The following CNTN6 variants were observed in gnomAD, a reference collection of about 807,000 sequenced individuals.
CNTN6 encodes contactin-6.
CNTN6 carries 137 observed loss-of-function variants against 122.8 expected under a neutral mutation model. The observed-to-expected ratio is 1.12, with a 90% CI of 0.97 to 1.29. The LOEUF (loss-of-function observed/expected upper bound fraction) is 1.29. CNTN6 is among the 50% of genes most tolerant of loss of function. The probability of loss-of-function intolerance (pLI) is 0.00; values close to 1 mark genes in which losing one functional copy is unlikely to be tolerated. For missense variants in CNTN6, 1,634 were observed against 1,223.4 expected, an observed-to-expected ratio of 1.34 and a Z score of -5.01; for synonymous variants, 570 against 426.0, an observed-to-expected ratio of 1.34 and a Z score of -4.16.
chr3:1,349,496 CTT>C (rs1705288313), intron 11 of CNTN6, among the ~76,000 whole-genome samples: 1 of 151,522 alleles, frequency 6.6e-6, no homozygotes, highest in Non-Finnish European at 1.5e-5. Flanking sequence ...GATAAAGTAT[CTT>C]TTTTGCATAT....
rs368626797 is a variant in CNTN6, at chr3:1,326,910, A to G, written c.1084-547A>G. 1.1e-4 allele frequency among the ~76,000 whole-genome samples: 16 copies of G among 151,866 alleles called. No homozygotes were observed. In the East Asian group the frequency reaches 1.2e-3, roughly 11 times the overall value. On this transcript the variant is annotated intron_variant, in intron 9 of 22. Coordinates refer to ENST00000446702, the MANE Select transcript of CNTN6 (RefSeq NM_001289080.2). ...TTAATTATGTCACTATGTGCACTCA[A>G]AATTGTATTTCTATACCCCACATGG...
chr3:1,290,094 CAG>C (rs1695085578), intron 5 of CNTN6, among the ~76,000 whole-genome samples: 1 of 152,190 alleles, frequency 6.6e-6, no homozygotes, highest in African/African-American at 2.4e-5. Flanking sequence ...TACTGAATCA[CAG>C]AGTCTGAGGG....
Position 1,356,295 on chromosome 3 carries a change from C to T in CNTN6, c.1492+3844C>T, listed in dbSNP as rs1373392515. ...GAAGTTTTGGATGTTCAATTATAGG[C>T]CTCATTGCTTCAGTGTTATTTTCAA... On this transcript the variant is annotated intron_variant, in intron 12 of 22. Transcript: ENST00000446702. Among the ~76,000 whole-genome samples the T allele has an allele frequency of 1.3e-5, 2 of 151,748 alleles. 1 individual carries two copies. The highest frequency in any genetic ancestry group is 4.2e-4 in the South Asian group (2 of 4,818).
intron 7 of CNTN6, among the ~76,000 whole-genome samples, chr3:1,317,575 AG>A (rs1700268955): frequency 1.3e-5 from 2 of 151,778 alleles, no homozygotes; most frequent in Admixed American, 1.3e-4. Flanking sequence ...CGGATTTCAG[AG>A]ATGCTTTCTC....
chr3:1,259,749 T>A lies in CNTN6; in HGVS notation c.359-18664T>A, dbSNP rs544978475. ...AAACTAGAAAAACACTAGCTCTATA[T>A]CTACATCAAAATTATTTTGAGAATC... is the stretch of plus-strand genomic sequence containing the variant. On this transcript the variant is annotated intron_variant, in intron 4 of 22. Coordinates refer to ENST00000446702, the MANE Select transcript of CNTN6 (RefSeq NM_001289080.2). 2.6e-5 allele frequency among the ~76,000 whole-genome samples: 4 copies of A among 152,256 alleles called. No homozygotes were observed. In the South Asian group the frequency reaches 8.3e-4, roughly 32 times the overall value.
chr3:1,109,559 C>G (rs1008239086), intron 1 of CNTN6, among the ~76,000 whole-genome samples: 6 of 151,838 alleles, frequency 4.0e-5, no homozygotes, highest in African/African-American at 1.2e-4. Context: ...TTACTTTGGA[C>G]TTTTTAAAAG....
At chr3:1,282,793 C>G (rs970104350) in intron 5 of CNTN6, among the ~76,000 whole-genome samples, 1 of 152,176 alleles carries the variant, frequency 6.6e-6, no homozygotes, top group Non-Finnish European at 1.5e-5. Context: ...CCTCGAGTAT[C>G]TATTATAATT....
At chr3:1,149,925 C>A (rs899378884) in intron 2 of CNTN6, among the ~76,000 whole-genome samples, 1 of 152,130 alleles carries the variant, frequency 6.6e-6, no homozygotes, top group Non-Finnish European at 1.5e-5. Context: ...CTGAGAAATA[C>A]TCCAGCTCTT....
chr3:1,245,262 TATATATATATATACACACAC>T (rs1320079796), intron 4 of CNTN6, among the ~76,000 whole-genome samples: 474 of 5,612 alleles, frequency 0.084, 67 homozygotes, highest in Non-Finnish European at 0.11. Context: ...ATATAACATA[TATATATATATATACACACAC>T]ATATATATAT....
intron 2 of CNTN6, among the ~76,000 whole-genome samples, chr3:1,208,119 G>A (rs1219882178): frequency 6.6e-6 from 1 of 151,876 alleles, no homozygotes; most frequent in African/African-American, 2.4e-5. Flanking sequence ...TCCTTGATCT[G>A]TGGTTTCTCT....
intron 5 of CNTN6, among the ~76,000 whole-genome samples, chr3:1,283,643 A>T (rs1399272038): frequency 6.6e-6 from 1 of 151,156 alleles, no homozygotes; most frequent in Non-Finnish European, 1.5e-5. Context: ...CCCCCCCTTC[A>T]CTATGTAGTA....
intron 2 of CNTN6, among the ~76,000 whole-genome samples, chr3:1,152,035 C>T (rs189733903): frequency 1.8e-4 from 28 of 152,108 alleles, no homozygotes; most frequent in East Asian, 1.2e-3. Context: ...AATTAATAAA[C>T]GGAGAAAAAC....
chr3:1,353,301 T>A (rs1705963518), intron 12 of CNTN6, among the ~76,000 whole-genome samples: 1 of 151,696 alleles, frequency 6.6e-6, no homozygotes, highest in South Asian at 2.1e-4. Context: ...ATCTTTTCCA[T>A]TAAAATAAAT....
chr3:1,103,340 A>G (rs1281648150), intron 1 of CNTN6, among the ~76,000 whole-genome samples: 2 of 152,192 alleles, frequency 1.3e-5, no homozygotes, highest in Admixed American at 6.5e-5. Context: ...TATGCTGAAA[A>G]TGGTTCTATT....
chr3:1,357,608 CCTT>C (rs1349511086), intron 12 of CNTN6, among the ~76,000 whole-genome samples: 2 of 151,806 alleles, frequency 1.3e-5, no homozygotes, highest in Admixed American at 1.3e-4. Context: ...CTTTAGCTTT[CCTT>C]CTTTTCCATC....
chr3:1,197,156 A>G (rs2093789404), intron 2 of CNTN6, among the ~76,000 whole-genome samples: 1 of 152,198 alleles, frequency 6.6e-6, no homozygotes, highest in Admixed American at 6.5e-5. Flanking sequence ...CAGGTTATAG[A>G]CATAATTGGC....
At chr3:1,131,507 T>A (rs921117051) in intron 1 of CNTN6, among the ~76,000 whole-genome samples, 4 of 152,104 alleles carry the variant, frequency 2.6e-5, no homozygotes, top group African/African-American at 9.7e-5. Flanking sequence ...AAACCCCTAT[T>A]TTGATTTGAA....
At chr3:1,107,793 C>G (rs988707259) in intron 1 of CNTN6, among the ~76,000 whole-genome samples, 2 of 151,882 alleles carry the variant, frequency 1.3e-5, no homozygotes, top group Non-Finnish European at 2.9e-5. Flanking sequence ...GGGTTGTGGT[C>G]CAGCCAGGTT....
chr3:1,323,105 C>A (rs1366861278), intron 8 of CNTN6, among the ~76,000 whole-genome samples: 1 of 151,504 alleles, frequency 6.6e-6, no homozygotes, highest in East Asian at 1.9e-4. Flanking sequence ...TAATAAAGTA[C>A]CTTTCTGTAT....
Sources: gnomAD v4.1 joint callset for allele counts (sites outside exome capture counted in the v4.1 genomes callset) on GRCh38, gnomAD v4.1.1 for gene constraint, MANE v1.5 for transcripts, NCBI Gene and HGNC (gene_info 2026-07-23, HGNC 2026-07-21) for gene names.